The following DSCAML1 variants were observed in gnomAD, a reference collection of about 807,000 sequenced individuals.
DSCAML1 encodes cell adhesion molecule DSCAML1.
Under a neutral mutation model 200.5 loss-of-function variants are expected in DSCAML1, and 38 were observed. That is an observed-to-expected ratio of 0.19 (90% CI 0.15 to 0.25). The LOEUF (loss-of-function observed/expected upper bound fraction) is 0.25, where lower values mean the gene tolerates loss of function less well. Among genes scored for constraint, DSCAML1 ranks in the 10% least tolerant of loss-of-function variants. The probability of loss-of-function intolerance (pLI) is 1.00; values close to 1 mark genes in which losing one functional copy is unlikely to be tolerated. For missense variants in DSCAML1, 2,223 were observed against 2,858.8 expected (o/e 0.78, Z 5.07); for synonymous variants, 1,215 against 1,165.0 (o/e 1.04, Z -0.87).
At chr11:117,439,142 C>T in intron 23 of DSCAML1, 124 bp downstream of exon 23, 2 of 1,407,136 alleles carry the variant, frequency 1.4e-6, no homozygotes, top group Non-Finnish European at 1.9e-6. Flanking sequence ...ACCTCTGTTT[C>T]TCCAGAGGTC....
intron 3 of DSCAML1, among the ~76,000 whole-genome samples, chr11:117,592,599 T>C (rs577849700): frequency 9.5e-4 from 144 of 152,332 alleles, no homozygotes; most frequent in African/African-American, 3.2e-3. Flanking sequence ...CGATGGTCCA[T>C]AGTCATTGTA....
chr11:117,675,495 TTTTTA>T (rs2053194843), intron 3 of DSCAML1, among the ~76,000 whole-genome samples: 1 of 147,526 alleles, frequency 6.8e-6, no homozygotes, highest in African/African-American at 2.5e-5. Flanking sequence ...TTTTTTTTTT[TTTTTA>T]GAGACAGGGT....
chr11:117,455,875 AC>A (rs1260667734), intron 19 of DSCAML1, among the ~76,000 whole-genome samples: 1 of 152,004 alleles, frequency 6.6e-6, no homozygotes, highest in Non-Finnish European at 1.5e-5. Context: ...GTTGACTGCT[AC>A]CCTCTGCCAT....
Position 117,475,049 on chromosome 11 carries a change from C to G in DSCAML1, c.2786-3013G>C, listed in dbSNP as rs2048763090. On this transcript the variant is annotated intron_variant, in intron 14 of 32. Transcript: ENST00000651296. ...GGATTACAGGCGTGAGTCACCGCGC[C>G]TGGCCTCTGTGTCATTCTTGAATCC... 3.9e-5 allele frequency among the ~76,000 whole-genome samples: 6 copies of G among 152,302 alleles called. No individual in the cohort carries two copies. In the South Asian group the frequency reaches 1.2e-3, roughly 32 times the overall value.
chr11:117,478,946 G>A (rs545811406), intron 14 of DSCAML1, among the ~76,000 whole-genome samples: 8 of 152,216 alleles, frequency 5.3e-5, no homozygotes, highest in African/African-American at 7.2e-5. Flanking sequence ...CAACTCAACC[G>A]GAAGTGTCTG....
At position 117,666,042 on chromosome 11, in the gene DSCAML1, C is replaced by T. The variant is rs191542720; in HGVS notation, c.511+110749G>A. Among the ~76,000 whole-genome samples the T allele has an allele frequency of 4.6e-5, 7 of 152,308 alleles. No individual in the cohort carries two copies. In the South Asian group the frequency reaches 1.2e-3, roughly 27 times the overall value. ...AGTTGGTCAGTGGCTGGTTCTCCTC[C>T]ATCACTGCGGTCAGAGCTCAGGGCT... On this transcript the variant is annotated intron_variant, in intron 3 of 32. Transcript: ENST00000651296.
intron 3 of DSCAML1, among the ~76,000 whole-genome samples, chr11:117,541,876 T>G (rs2050275252): frequency 1.3e-5 from 1 of 74,080 alleles, no homozygotes; most frequent in South Asian, 4.0e-4. Context: ...AAGATGTACC[T>G]CTTCTTCGTT....
Position 117,597,148 on chromosome 11 carries a change from T to A in DSCAML1, c.512-64626A>T, listed in dbSNP as rs1051797155. 2.6e-5 allele frequency among the ~76,000 whole-genome samples: 4 copies of A among 152,392 alleles called. No individual in the cohort carries two copies. In the East Asian group the frequency reaches 7.7e-4, roughly 29 times the overall value. On this transcript the variant is annotated intron_variant, in intron 3 of 32. Coordinates refer to ENST00000651296, the MANE Select transcript of DSCAML1 (RefSeq NM_020693.4). ...AAATAATGACATAACCCAGTCACCTTACTGTGGGTATGATTTATTACAAAT... is the reference window on the plus strand; with the variant it reads ...AAATAATGACATAACCCAGTCACCTAACTGTGGGTATGATTTATTACAAAT...
At chr11:117,614,114 A>G (rs2051759504) in intron 3 of DSCAML1, among the ~76,000 whole-genome samples, 1 of 151,962 alleles carries the variant, frequency 6.6e-6, no homozygotes. Flanking sequence ...AGAGATATAT[A>G]TGCATCTCCC....
At chr11:117,706,084 A>C (rs1043917358) in intron 3 of DSCAML1, among the ~76,000 whole-genome samples, 1 of 152,080 alleles carries the variant, frequency 6.6e-6, no homozygotes, top group Non-Finnish European at 1.5e-5. Context: ...GTTTTGAAGG[A>C]GCACAGGGAA....
chr11:117,537,368 C>T (rs996202047), intron 3 of DSCAML1, among the ~76,000 whole-genome samples: 1 of 152,148 alleles, frequency 6.6e-6, no homozygotes, highest in Non-Finnish European at 1.5e-5. Context: ...AAGGCGTGGC[C>T]GTCAGTGCTG....
intron 20 of DSCAML1, among the ~76,000 whole-genome samples, chr11:117,447,746 T>A (rs2137109856): frequency 6.6e-6 from 1 of 152,324 alleles, no homozygotes; most frequent in Admixed American, 6.5e-5. Flanking sequence ...CCAGCATGTG[T>A]GAGCACACAC....
intron 3 of DSCAML1, among the ~76,000 whole-genome samples, chr11:117,554,359 A>G (rs1284740058): frequency 6.6e-6 from 1 of 151,920 alleles, no homozygotes; most frequent in Non-Finnish European, 1.5e-5. Context: ...GGACAAAAAC[A>G]TTTTATTCTA....
At chr11:117,573,035 G>A (rs1177397696) in intron 3 of DSCAML1, among the ~76,000 whole-genome samples, 3 of 152,130 alleles carry the variant, frequency 2.0e-5, no homozygotes, top group Admixed American at 1.3e-4. Flanking sequence ...CTTCATAATG[G>A]CCCTGTGAGA....
chr11:117,572,511 C>T (rs1055339688), intron 3 of DSCAML1, among the ~76,000 whole-genome samples: 3 of 152,142 alleles, frequency 2.0e-5, no homozygotes, highest in Admixed American at 6.5e-5. Context: ...ATTCTTCTGC[C>T]GTAGGGACTC....
chr11:117,779,916 G>C (rs910789797), intron 2 of DSCAML1, among the ~76,000 whole-genome samples: 2 of 151,968 alleles, frequency 1.3e-5, no homozygotes, highest in Non-Finnish European at 2.9e-5. Flanking sequence ...TCAATAAAAG[G>C]CTTCAAGGAA....
chr11:117,534,295 G>A (rs978024205), intron 3 of DSCAML1, among the ~76,000 whole-genome samples: 9 of 152,240 alleles, frequency 5.9e-5, no homozygotes, highest in Admixed American at 2.0e-4. Flanking sequence ...ACTGGAGGCC[G>A]TAGAACTGCA....
rs887951060 is a variant in DSCAML1, at chr11:117,463,039, G to A, written c.3266-1443C>T. Among the ~76,000 whole-genome samples the A allele has an allele frequency of 6.6e-6, 1 of 152,216 alleles. No homozygotes were observed. On this transcript the variant is annotated intron_variant, in intron 17 of 32. Coordinates refer to ENST00000651296, the MANE Select transcript of DSCAML1 (RefSeq NM_020693.4). This position sits in a 1 kb window ranked among gnomAD's most constrained non-coding sequence, Gnocchi z 4.0. ...CCCGGGTGGTGCATGGGAGCTTAGCGTTAGGTGGGGCAGGCTGGCCTCGGC... is the reference window on the plus strand; with the variant it reads ...CCCGGGTGGTGCATGGGAGCTTAGCATTAGGTGGGGCAGGCTGGCCTCGGC...
intron 13 of DSCAML1, 115 bp downstream of exon 13, chr11:117,481,059 C>A: frequency 9.9e-7 from 1 of 1,011,572 alleles, no homozygotes; most frequent in East Asian, 2.5e-5. Context: ...AAGGCAGTTT[C>A]CTGTCATCCT....
Sources: gnomAD v4.1 joint callset for allele counts (sites outside exome capture counted in the v4.1 genomes callset) on GRCh38, gnomAD v4.1.1 for gene constraint, Gnocchi (gnomAD v3.1) non-coding constraint, MANE v1.5 for transcripts, NCBI Gene and HGNC (gene_info 2026-07-23, HGNC 2026-07-21) for gene names.